The following NLRP11 variants were observed in gnomAD, a reference collection of about 807,000 sequenced individuals.
NLRP11 encodes the protein NLR family pyrin domain containing 11, also known as NACHT, LRR and PYD domains-containing protein 11.
In NLRP11, 53 loss-of-function variants were observed where a neutral mutation model predicts 79.3. The observed-to-expected ratio is 0.67, with a 90% CI of 0.54 to 0.84. The LOEUF (loss-of-function observed/expected upper bound fraction) is 0.84. Ranked by LOEUF, NLRP11 falls within the 40% of genes least tolerant of loss-of-function variation. NLRP11 has a pLI of 0.00. For synonymous variants in NLRP11, 518 were observed against 462.6 expected, an observed-to-expected ratio of 1.12 and a Z score of -1.54; for missense variants, 1,264 against 1,255.0, an observed-to-expected ratio of 1.01 and a Z score of -0.11.
In NLRP11 at chr19:55,828,078, A is replaced by G. The variant is rs1447444770; in HGVS notation, c.-63+3885T>C. 3.3e-5 allele frequency among the ~76,000 whole-genome samples: 5 copies of G among 149,532 alleles called. 1 individual carries two copies. Among genetic ancestry groups the G allele is most frequent in the South Asian group, 4.2e-4 (2 of 4,740 alleles). On this transcript the variant is annotated intron_variant, in intron 1 of 9. Transcript: ENST00000589093. ...TGGCACATATACACCATGGAATACT[A>G]TGCAGCCATAAAAAATGATGAGTTC...
intron 4 of NLRP11, among the ~76,000 whole-genome samples, chr19:55,807,366 T>C (rs901058649): frequency 6.6e-6 from 1 of 152,146 alleles, no homozygotes; most frequent in Non-Finnish European, 1.5e-5. Context: ...ACGCATTCTG[T>C]AGGAAAGAAA....
In NLRP11 at chr19:55,809,046, T is replaced by G. The variant is rs758489957; in HGVS notation, c.1564A>C (p.Lys522Gln). ...TTCATGTATCCCACCGAGTACCACT[T>G]GAAGCTGTCTACCATCGGTAGCTGG... Residue 522 changes from lysine (K) to glutamine (Q), a missense_variant, in exon 3 of 10, where the codon AAG becomes CAG. Transcript: ENST00000589093. The surrounding 1 kb of genome is among the most constrained non-coding windows in gnomAD (Gnocchi z 4.5). 1 of 1,614,114 alleles carries G rather than the reference T, an allele frequency of 6.2e-7. No individual in the cohort carries two copies. Among genetic ancestry groups the G allele is most frequent in the Non-Finnish European group, 8.5e-7 (1 of 1,180,024 alleles).
At chr19:55,801,080 G>C (rs1258520433) in intron 5 of NLRP11, 1 of 152,664 alleles carries the variant, frequency 6.6e-6, no homozygotes, top group African/African-American at 2.4e-5. Flanking sequence ...TTGGGAGGCT[G>C]AGGCAAAAGA....
chr19:55,802,019 C>T (rs537998407), intron 4 of NLRP11, among the ~76,000 whole-genome samples: 2 of 152,332 alleles, frequency 1.3e-5, no homozygotes, highest in South Asian at 2.1e-4. Flanking sequence ...AATACATCCA[C>T]ATGCACAAAG....
At chr19:55,798,397 A>G (rs1979148606) in intron 5 of NLRP11, 2 of 930,760 alleles carry the variant, frequency 2.1e-6, no homozygotes, top group South Asian at 9.9e-5. Flanking sequence ...TCCTTAGCAA[A>G]CTAACATAAG....
chr19:55,815,745 A>G (rs1183947298), intron 2 of NLRP11, among the ~76,000 whole-genome samples: 1 of 152,180 alleles, frequency 6.6e-6, no homozygotes, highest in African/African-American at 2.4e-5. Flanking sequence ...GGAGTTCACT[A>G]AGGAATTCAC....
chr19:55,800,982 C>T (rs1255164865), intron 5 of NLRP11: 1 of 152,022 alleles, frequency 6.6e-6, no homozygotes, highest in African/African-American at 2.4e-5. Context: ...GAGTTTGAGA[C>T]AAGCCTGACC....
intron 1 of NLRP11, among the ~76,000 whole-genome samples, chr19:55,831,098 C>CCCCCCCAATCCCCCCCACCCCCCTGCT (rs1982725553): frequency 1.8e-4 from 21 of 118,356 alleles, no homozygotes; most frequent in South Asian, 6.5e-4. Flanking sequence ...ACCCACCGCC[C>CCCCCCCAATCCCCCCCACCCCCCTGCT]CACCCCCCCC....
At chr19:55,801,790 C>A in intron 4 of NLRP11, 51 bp from the exon 5 acceptor site, 1 of 1,501,384 alleles carries the variant, frequency 6.7e-7, no homozygotes. Flanking sequence ...TGAACATCTT[C>A]TCCACAATTT....
upstream of NLRP11, chr19:55,836,517 C>T (rs1983299302): frequency 6.6e-6 from 1 of 152,238 alleles, no homozygotes; most frequent in Non-Finnish European, 1.5e-5. Flanking sequence ...ATCTTTTCTT[C>T]CCGCTTCCAG....
At chr19:55,796,759 T>C (rs148480201) in intron 5 of NLRP11, among the ~76,000 whole-genome samples, 3 of 151,832 alleles carry the variant, frequency 2.0e-5, no homozygotes, top group South Asian at 4.2e-4. Flanking sequence ...CGATCTCGGC[T>C]CACTGCAACC....
rs139337206 is a variant in NLRP11, at chr19:55,829,928, G to A, written c.-63+2035C>T. Among the ~76,000 whole-genome samples the A allele has an allele frequency of 3.3e-5, 5 of 152,220 alleles. No individual in the cohort carries two copies. The East Asian group carries it at 9.7e-4, about 29-fold the overall frequency. ...TTATCAACAGTCAATTAACACATAA[G>A]TAGACTCACATCTATATTGATTGCA... On this transcript the variant is annotated intron_variant, in intron 1 of 9. Coordinates refer to ENST00000589093, the Ensembl canonical transcript of NLRP11.
In NLRP11 at chr19:55,809,012, T is replaced by C; in HGVS notation, c.1598A>G (p.Asp533Gly). ...GTGCGTCAACTTTTCCGGGTCACGGTCCAAATGTTTCATGTATCCCACCGA... is the reference window on the plus strand; with the variant it reads ...GTGCGTCAACTTTTCCGGGTCACGGCCCAAATGTTTCATGTATCCCACCGA... Residue 533 changes from aspartate (D) to glycine (G), a missense_variant, in exon 3 of 10, where the codon GAC becomes GGC. Asp to Gly is a moderately conservative substitution (Grantham distance 94). Coordinates refer to ENST00000589093, the Ensembl canonical transcript of NLRP11. This position sits in a 1 kb window ranked among gnomAD's most constrained non-coding sequence, Gnocchi z 4.5. The C allele has an allele frequency of 1.2e-6, 2 of 1,614,094 alleles. No individual in the cohort carries two copies. The highest frequency in any genetic ancestry group is 1.7e-6 in the Non-Finnish European group (2 of 1,180,004).
At chr19:55,821,331 T>TTTTTA (rs1981714091) in intron 1 of NLRP11, among the ~76,000 whole-genome samples, 1 of 152,004 alleles carries the variant, frequency 6.6e-6, no homozygotes, top group African/African-American at 2.4e-5. Flanking sequence ...CTGGGGGAAT[T>TTTTTA]CCACATGTCC....
intron 2 of NLRP11, among the ~76,000 whole-genome samples, chr19:55,811,819 A>G (rs925095427): frequency 6.6e-6 from 1 of 152,050 alleles, no homozygotes; most frequent in Non-Finnish European, 1.5e-5. Flanking sequence ...CAATTTATTG[A>G]TTAGGTTATC....
chr19:55,799,320 G>A (rs1295766394), intron 5 of NLRP11, among the ~76,000 whole-genome samples: 1 of 152,128 alleles, frequency 6.6e-6, no homozygotes, highest in Admixed American at 6.6e-5. Flanking sequence ...TCTGAAACCA[G>A]GAGAAATGTT....
At chr19:55,833,726 C>A (rs1427623364), upstream of NLRP11, among the ~76,000 whole-genome samples, 1 of 144,418 alleles carries the variant, frequency 6.9e-6, no homozygotes, top group African/African-American at 2.6e-5. Flanking sequence ...CGAGATCAGG[C>A]CACCGCACTC....
At chr19:55,808,371 G>T (rs979327564) in intron 3 of NLRP11, among the ~76,000 whole-genome samples, 21 of 152,168 alleles carry the variant, frequency 1.4e-4, no homozygotes, top group African/African-American at 4.8e-4. Flanking sequence ...CAACAGATCT[G>T]AAGAAATTAG....
At chr19:55,793,689 C>T (rs374399570) in intron 6 of NLRP11, among the ~76,000 whole-genome samples, 43 of 152,046 alleles carry the variant, frequency 2.8e-4, no homozygotes, top group African/African-American at 9.9e-4. Context: ...AAACCTGGCC[C>T]CTCCCTGCTT....
Sources: gnomAD v4.1 joint callset for allele counts (sites outside exome capture counted in the v4.1 genomes callset) on GRCh38, gnomAD v4.1.1 for gene constraint, Gnocchi (gnomAD v3.1) non-coding constraint, MANE v1.5 for transcripts, NCBI Gene and HGNC (gene_info 2026-07-23, HGNC 2026-07-21) for gene names.